Variants in PARP14 observed in about 807,000 individuals in gnomAD.
PARP14 encodes the protein poly(ADP-ribose) polymerase family member 14, also known as protein mono-ADP-ribosyltransferase PARP14.
A neutral mutation model predicts 154.2 loss-of-function variants in PARP14; 59 were observed. The ratio of observed to expected loss-of-function variants is 0.38; its 90% CI spans 0.31 to 0.48. The LOEUF (loss-of-function observed/expected upper bound fraction) is 0.48, where lower values mean the gene tolerates loss of function less well. Ranked by LOEUF, PARP14 falls within the 20% of genes least tolerant of loss-of-function variation. The probability of loss-of-function intolerance (pLI) is 0.98; values close to 1 mark genes in which losing one functional copy is unlikely to be tolerated. For missense variants in PARP14, 1,734 were observed against 2,131.6 expected (o/e 0.81, Z 3.67); for synonymous variants, 720 against 780.5 (o/e 0.92, Z 1.29).
Position 122,714,354 on chromosome 3 carries a change from A to G in PARP14, c.3925A>G (p.Ser1309Gly). The G allele has an allele frequency of 6.3e-7, 1 of 1,588,802 alleles. No individual in the cohort carries two copies. Among genetic ancestry groups the G allele is most frequent in the Non-Finnish European group, 8.5e-7 (1 of 1,172,518 alleles). Residue 1309 changes from serine (S) to glycine (G), a missense_variant, in exon 12 of 17, where the codon AGT becomes GGT. Ser to Gly is a moderately conservative substitution (Grantham distance 56). Around this residue, in one of 2 missense-constraint regions of PARP14, gnomAD observed 1,646 missense variants for 1,976.0 expected, o/e 0.83. Coordinates refer to ENST00000474629, the MANE Select transcript of PARP14 (RefSeq NM_017554.3). Reference protein sequence around the residue: ...IHVIGGNDVKSSVSSVLQECE... With the variant: ...IHVIGGNDVKGSVSSVLQECE... ...TGTAATTGGTGGAAATGATGTCAAG[A>G]GTTCAGTTTCCTCTGTTTTGCAGGA...
At chr3:122,687,378 A>T (rs190432232) in intron 3 of PARP14, among the ~76,000 whole-genome samples, 1 of 152,356 alleles carries the variant, frequency 6.6e-6, no homozygotes, top group Admixed American at 6.5e-5. Flanking sequence ...AAGAAGTGCC[A>T]GAGAGCTGGG....
intron 6 of PARP14, 113 bp from the exon 7 acceptor site, chr3:122,703,629 C>T (rs748234335): frequency 6.1e-5 from 38 of 619,792 alleles, no homozygotes; most frequent in African/African-American, 1.5e-4. Flanking sequence ...TCACTGAAAC[C>T]GTAGTCATCT....
chr3:122,715,284 A>G (rs1319024519), intron 12 of PARP14, among the ~76,000 whole-genome samples: 3 of 152,126 alleles, frequency 2.0e-5, no homozygotes, highest in African/African-American at 4.8e-5. Flanking sequence ...AATAGTCAGC[A>G]TCGGATCTGT....
chr3:122,682,796 T>C (rs1938252633), intron 1 of PARP14, among the ~76,000 whole-genome samples: 1 of 151,954 alleles, frequency 6.6e-6, no homozygotes, highest in South Asian at 2.1e-4. Context: ...TCACGCCTGT[T>C]AATCCCAGCA....
chr3:122,726,491 T>G (rs1353932167), intron 15 of PARP14, among the ~76,000 whole-genome samples: 1 of 152,216 alleles, frequency 6.6e-6, no homozygotes, highest in African/African-American at 2.4e-5. Context: ...CAAATAGACT[T>G]TTCTCCCTCT....
chr3:122,712,559 CTT>C (rs987062537), intron 9 of PARP14, among the ~76,000 whole-genome samples: 1 of 139,050 alleles, frequency 7.2e-6, no homozygotes. Flanking sequence ...GGATTGACAT[CTT>C]TTTTTTTTTG....
chr3:122,691,285 C>T (rs899279924), intron 3 of PARP14, among the ~76,000 whole-genome samples: 3 of 152,144 alleles, frequency 2.0e-5, no homozygotes, highest in African/African-American at 7.2e-5. Flanking sequence ...ATAAGAGTCC[C>T]CATTGAAAAA....
At chr3:122,717,776 A>C (rs1933034776) in intron 12 of PARP14, among the ~76,000 whole-genome samples, 1 of 152,220 alleles carries the variant, frequency 6.6e-6, no homozygotes. Context: ...GGAGGAACAC[A>C]ATGAGCTGGG....
chr3:122,685,208 A>G lies in PARP14; in HGVS notation c.211A>G (p.Lys71Glu), dbSNP rs899382816. 6 of 1,613,890 alleles carry G rather than the reference A, an allele frequency of 3.7e-6. No homozygotes were observed. Among genetic ancestry groups the G allele is most frequent in the Non-Finnish European group, 8.5e-7 (1 of 1,179,886 alleles). The change falls in exon 2 of 17, where the codon AAA (lysine) becomes GAA (glutamate). Residue 71 changes from lysine (K) to glutamate (E), a missense_variant. Coordinates refer to ENST00000474629, the MANE Select transcript of PARP14 (RefSeq NM_017554.3). ...AGTTCGGCAGAAGGTTCTGGAGAGA[A>G]AAAATCATGAGTTGGTATGGCAAGG... ...EDVRQKVLER[K>E]NHELVWQGKG...
intron 1 of PARP14, among the ~76,000 whole-genome samples, chr3:122,682,503 A>T (rs897603926): frequency 6.6e-6 from 1 of 152,214 alleles, no homozygotes; most frequent in Admixed American, 6.5e-5. Context: ...TTCCGTAGTT[A>T]ATGTTAACCC....
intron 11 of PARP14, 87 bp from the exon 12 acceptor site, chr3:122,714,175 T>C (rs1932927882): frequency 1.8e-6 from 2 of 1,122,570 alleles, no homozygotes; most frequent in East Asian, 2.6e-5. Flanking sequence ...ACAAAATGCT[T>C]ACTTGCCAAG....
intron 12 of PARP14, among the ~76,000 whole-genome samples, chr3:122,714,827 A>T (rs1357575149): frequency 6.6e-6 from 1 of 152,068 alleles, no homozygotes; most frequent in Non-Finnish European, 1.5e-5. Flanking sequence ...CTCCATGGAG[A>T]ATATTAGTAC....
At chr3:122,695,905 T>C (rs1225392907) in intron 5 of PARP14, among the ~76,000 whole-genome samples, 1 of 152,220 alleles carries the variant, frequency 6.6e-6, no homozygotes, top group East Asian at 1.9e-4. Flanking sequence ...CTACCTATGA[T>C]GGGCTGAAAA....
At chr3:122,719,454 G>A (rs754311722) in intron 14 of PARP14, among the ~76,000 whole-genome samples, 7 of 152,208 alleles carry the variant, frequency 4.6e-5, no homozygotes, top group Non-Finnish European at 8.8e-5. Context: ...TCTGCCAAGA[G>A]CAAAAGGTTC....
At chr3:122,727,558 T>C (rs929097307) in intron 15 of PARP14, among the ~76,000 whole-genome samples, 12 of 152,196 alleles carry the variant, frequency 7.9e-5, no homozygotes, top group Non-Finnish European at 1.8e-4. Context: ...TCATGAGTAC[T>C]TAAAATCCTA....
Position 122,687,113 on chromosome 3 carries a change from G to A in PARP14, c.355G>A (p.Asp119Asn), listed in dbSNP as rs1179040550. 1 of 1,594,676 alleles carries A rather than the reference G, an allele frequency of 6.3e-7. No individual in the cohort carries two copies. The highest frequency in any genetic ancestry group is 2.2e-5 in the East Asian group (1 of 44,546). Residue 119 changes from aspartate (D) to asparagine (N), a missense_variant and splice_region_variant, in exon 3 of 17, where the codon GAT becomes AAT. Physicochemically the swap from Asp to Asn is conservative, Grantham distance 23. Around this residue, in one of 2 missense-constraint regions of PARP14, gnomAD observed 1,646 missense variants for 1,976.0 expected, o/e 0.83. Transcript: ENST00000474629. ...SKTKEDVKEP[D>N]VSEELDTKLP... ...GACCAAAGAAGATGTTAAAGAACCA[G>A]GTAAAATCTCAGTTGAGATGACTCT...
rs1476004611 is a variant in PARP14 at position 122,701,238 on chromosome 3, A to G, written c.2684A>G (p.Tyr895Cys). The G allele has an allele frequency of 2.5e-6, 4 of 1,613,648 alleles. No homozygotes were observed. The highest frequency in any genetic ancestry group is 2.2e-5 in the East Asian group (1 of 44,878). Residue 895 changes from tyrosine to cysteine, a missense_variant, in exon 6 of 17, where the codon TAC becomes TGC. By Grantham distance (194) the Tyr-to-Cys change is radical. This residue lies in a region of PARP14 where 1,646 missense variants were observed against 1,976.0 expected (regional missense o/e 0.83). Coordinates refer to ENST00000474629, the MANE Select transcript of PARP14 (RefSeq NM_017554.3). The surrounding 1 kb of genome is among the most constrained non-coding windows in gnomAD (Gnocchi z 4.0). ...WSGYEAPRCV[Y>C]LLRRAVQLSL... ...GGATATGAGGCCCCGAGGTGTGTGT[A>G]CCTATTAAGGAGAGCTGTGCAACTC...
Position 122,700,010 on chromosome 3 carries a change from C to T in PARP14, c.1456C>T (p.Leu486=), listed in dbSNP as rs772132085. ...GRYFLLCHSS[L]LDHLLTECPE... is the part of the protein sequence containing the mutation. Reference sequence around the variant, plus strand: ...GTATTTTCTTTTGTGTCACAGCAGTCTACTGGACCATTTACTCACGGAGTG... The same window carrying T: ...GTATTTTCTTTTGTGTCACAGCAGTTTACTGGACCATTTACTCACGGAGTG... The change falls in exon 6 of 17, where the codon CTA becomes TTA. Residue 486 remains leucine (L), a synonymous_variant. Transcript: ENST00000474629. 2 of 1,613,858 alleles carry T rather than the reference C, an allele frequency of 1.2e-6. No individual in the cohort carries two copies. The highest frequency in any genetic ancestry group is 4.5e-5 in the East Asian group (2 of 44,880).
intron 3 of PARP14, among the ~76,000 whole-genome samples, chr3:122,689,721 C>T (rs546425877): frequency 2.9e-4 from 44 of 152,302 alleles, no homozygotes; most frequent in African/African-American, 9.6e-4. Flanking sequence ...CTGTGTCTGC[C>T]ACCCTTCTCC....
Sources: gnomAD v4.1 joint callset for allele counts (sites outside exome capture counted in the v4.1 genomes callset) on GRCh38, gnomAD v4.1.1 for gene constraint, gnomAD v4.1.1 regional missense constraint, Gnocchi (gnomAD v3.1) non-coding constraint, MANE v1.5 for transcripts, NCBI Gene and HGNC (gene_info 2026-07-23, HGNC 2026-07-21) for gene names.